Variants in PRKN observed in about 807,000 individuals in gnomAD.
The protein encoded by PRKN is E3 ubiquitin-protein ligase parkin.
In PRKN, 56 loss-of-function variants were observed where a neutral mutation model predicts 59.5. The observed-to-expected ratio is 0.94, with a 90% confidence interval of 0.76 to 1.18. The LOEUF (loss-of-function observed/expected upper bound fraction) is 1.18. Among genes scored for constraint, PRKN ranks in the 50% most tolerant of loss-of-function variants. The pLI, the probability that PRKN is intolerant of heterozygous loss-of-function variation, is 0.00. For missense variants in PRKN, 657 were observed against 596.4 expected, an observed-to-expected ratio of 1.10 and a Z score of -1.06; for synonymous variants, 250 against 222.1, an observed-to-expected ratio of 1.13 and a Z score of -1.12.
At chr6:161,577,997 G>A (rs891056243) in intron 7 of PRKN, among the ~76,000 whole-genome samples, 2 of 152,096 alleles carry the variant, frequency 1.3e-5, no homozygotes, top group Admixed American at 6.5e-5. Context: ...TATGCGTAAC[G>A]CCAGGGGCCA....
At chr6:162,563,317 CA>C (rs55881751) in intron 1 of PRKN, among the ~76,000 whole-genome samples, 25 of 145,776 alleles carry the variant, frequency 1.7e-4, no homozygotes, top group Admixed American at 2.7e-4. Flanking sequence ...AAACAAAAAA[CA>C]AAAAAAAAAA....
intron 9 of PRKN, among the ~76,000 whole-genome samples, chr6:161,426,518 G>A (rs1788364118): frequency 6.6e-6 from 1 of 151,960 alleles, no homozygotes; most frequent in Non-Finnish European, 1.5e-5. Flanking sequence ...TCCGGCCCTT[G>A]AACATCGAAC....
At chr6:162,035,178 T>TAG (rs1289707885) in intron 5 of PRKN, among the ~76,000 whole-genome samples, 2 of 145,638 alleles carry the variant, frequency 1.4e-5, no homozygotes, top group Admixed American at 1.4e-4. Flanking sequence ...TATATATATA[T>TAG]AGAGAGAGGC....
chr6:162,640,707 G>A (rs1777924644), intron 1 of PRKN, among the ~76,000 whole-genome samples: 1 of 152,176 alleles, frequency 6.6e-6, no homozygotes, highest in Non-Finnish European at 1.5e-5. Context: ...GAAATCCTTA[G>A]TCACTGATAC....
At chr6:162,430,726 G>A (rs1444241928) in intron 2 of PRKN, among the ~76,000 whole-genome samples, 1 of 152,070 alleles carries the variant, frequency 6.6e-6, no homozygotes, top group Non-Finnish European at 1.5e-5. Context: ...AGTAACTCCA[G>A]CATAGATCAG....
At position 161,363,449 on chromosome 6, in the gene PRKN, T is replaced by C. The variant is rs1785063221; in HGVS notation, c.1168-3244A>G. Among the ~76,000 whole-genome samples the C allele has an allele frequency of 6.6e-6, 1 of 152,186 alleles. No individual in the cohort carries two copies. Among genetic ancestry groups the C allele is most frequent in the African/African-American group, 2.4e-5 (1 of 41,436 alleles). Reference sequence around the variant, plus strand: ...TTGATGAGTTACATAACAAATTAGATACAAATGAAGAGAGAATTTGTGAAC... The same window carrying C: ...TTGATGAGTTACATAACAAATTAGACACAAATGAAGAGAGAATTTGTGAAC... On this transcript the variant is annotated intron_variant, in intron 10 of 11. Coordinates refer to ENST00000366898, the MANE Select transcript of PRKN (RefSeq NM_004562.3). This position sits in a 1 kb window ranked among gnomAD's most constrained non-coding sequence, Gnocchi z 4.1.
intron 3 of PRKN, among the ~76,000 whole-genome samples, chr6:162,225,124 G>T (rs1363523905): frequency 6.6e-6 from 1 of 152,148 alleles, no homozygotes; most frequent in Non-Finnish European, 1.5e-5. Context: ...AGCAACACGT[G>T]GTGAGAGCAC....
intron 6 of PRKN, 103 bp from the exon 7 acceptor site, chr6:161,786,011 T>C: frequency 8.5e-7 from 1 of 1,178,392 alleles, no homozygotes; most frequent in Admixed American, 1.9e-5. Flanking sequence ...GTGTAGACTG[T>C]GCTCTGTGCA....
intron 7 of PRKN, chr6:161,783,624 C>G (rs1790300155): frequency 2.0e-6 from 1 of 499,542 alleles, no homozygotes; most frequent in African/African-American, 2.0e-5. Context: ...GAAGGGAAGA[C>G]TTGAAAATGT....
chr6:162,156,568 CG>C (rs1319897070), intron 4 of PRKN, among the ~76,000 whole-genome samples: 1 of 152,082 alleles, frequency 6.6e-6, no homozygotes, highest in Non-Finnish European at 1.5e-5. Context: ...AGATGGAGGC[CG>C]GAAGACTCAG....
intron 2 of PRKN, among the ~76,000 whole-genome samples, chr6:162,413,636 T>C (rs1485470216): frequency 1.3e-5 from 2 of 152,214 alleles, no homozygotes; most frequent in African/African-American, 2.4e-5. Context: ...CACCATTCTA[T>C]TGTCTTCTAA....
intron 1 of PRKN, among the ~76,000 whole-genome samples, chr6:162,560,762 A>AATC (rs1779799425): frequency 6.8e-6 from 1 of 146,038 alleles, no homozygotes; most frequent in East Asian, 2.1e-4. Context: ...CATTCAAGTC[A>AATC]ATCAGTGTAT....
intron 5 of PRKN, among the ~76,000 whole-genome samples, chr6:162,030,140 G>A (rs1363366734): frequency 1.3e-5 from 2 of 152,064 alleles, no homozygotes; most frequent in Non-Finnish European, 2.9e-5. Flanking sequence ...GTGCCCAGCC[G>A]CTGCACCTTT....
At chr6:161,643,505 A>G (rs1783815499) in intron 7 of PRKN, among the ~76,000 whole-genome samples, 1 of 152,240 alleles carries the variant, frequency 6.6e-6, no homozygotes, top group Admixed American at 6.5e-5. Context: ...CGGAAAAATA[A>G]TATATTCTAA....
chr6:161,517,773 G>C (rs1778670911), intron 9 of PRKN, among the ~76,000 whole-genome samples: 2 of 141,264 alleles, frequency 1.4e-5, no homozygotes, highest in Non-Finnish European at 3.1e-5. Flanking sequence ...AAAGAGTTGA[G>C]GTGGTAGTTG....
intron 5 of PRKN, among the ~76,000 whole-genome samples, chr6:162,004,382 T>G (rs548803766): frequency 6.6e-5 from 10 of 152,312 alleles, no homozygotes; most frequent in African/African-American, 2.2e-4. Flanking sequence ...CTGTACAGCC[T>G]GCAGAACCAT....
intron 1 of PRKN, among the ~76,000 whole-genome samples, chr6:162,492,861 G>A (rs1394346040): frequency 1.3e-5 from 2 of 151,506 alleles, no homozygotes; most frequent in African/African-American, 4.9e-5. Flanking sequence ...GCTAAGGCAG[G>A]AGAATTGCTT....
chr6:161,851,395 G>A (rs1211245457), intron 6 of PRKN, among the ~76,000 whole-genome samples: 1 of 152,026 alleles, frequency 6.6e-6, no homozygotes, highest in East Asian at 1.9e-4. Flanking sequence ...TTCTATTATA[G>A]CAGCACAAAA....
At chr6:162,053,943 T>A in intron 5 of PRKN, 148 bp downstream of exon 5, 1 of 714,216 alleles carries the variant, frequency 1.4e-6, no homozygotes. Flanking sequence ...GTGAATGTAA[T>A]TAACCTATTT....
Sources: allele counts gnomAD v4.1 joint callset (sites outside exome capture counted in the v4.1 genomes callset), GRCh38; gene constraint gnomAD v4.1.1; non-coding constraint Gnocchi (gnomAD v3.1); transcripts MANE v1.5; gene names NCBI Gene and HGNC (gene_info 2026-07-23, HGNC 2026-07-21).